CPNE5: variants seen among roughly 807,000 people sequenced by gnomAD.
CPNE5 encodes the protein copine-5.
In CPNE5, 42 loss-of-function variants were observed where a neutral mutation model predicts 81.1. The ratio of observed to expected loss-of-function variants is 0.52; its 90% CI spans 0.40 to 0.67. CPNE5 has a LOEUF of 0.67. Among genes scored for constraint, CPNE5 ranks in the 30% least tolerant of loss-of-function variants. CPNE5 has a pLI of 0.00. For missense variants in CPNE5, 612 were observed against 815.5 expected (o/e 0.75, Z 3.04); for synonymous variants, 313 against 321.5 (o/e 0.97, Z 0.28).
intron 8 of CPNE5, among the ~76,000 whole-genome samples, chr6:36,780,588 G>A (rs147295128): frequency 2.0e-5 from 3 of 152,282 alleles, no homozygotes; most frequent in East Asian, 3.9e-4. Context: ...GGAGTACAGC[G>A]CTGTGTGCGT....
chr6:36,766,810 C>T lies in CPNE5; in HGVS notation c.738-1434G>A, dbSNP rs1287298259. 6.6e-6 allele frequency among the ~76,000 whole-genome samples: 1 copy of T among 152,066 alleles called. No individual in the cohort carries two copies. Among genetic ancestry groups the T allele is most frequent in the Non-Finnish European group, 1.5e-5 (1 of 67,990 alleles). On this transcript the variant is annotated intron_variant, in intron 10 of 20. Transcript: ENST00000244751. The surrounding 1 kb of genome is among the most constrained non-coding windows in gnomAD (Gnocchi z 4.2). The stretch of plus-strand genomic sequence containing the variant: ...TGGGAGGGTCTCTACAAAAATGCCT[C>T]CTTCTCTCCACTTCATCATTTGGCC...
At chr6:36,795,064 C>T (rs1769444257) in intron 6 of CPNE5, among the ~76,000 whole-genome samples, 1 of 152,184 alleles carries the variant, frequency 6.6e-6, no homozygotes, top group African/African-American at 2.4e-5. Flanking sequence ...GGAAGAATCA[C>T]ATGAGATCAT....
intron 14 of CPNE5, 82 bp from the exon 15 acceptor site, chr6:36,748,349 C>T (rs1764420894): frequency 8.0e-7 from 1 of 1,250,290 alleles, no homozygotes; most frequent in Non-Finnish European, 1.2e-6. Context: ...CATTGGCTAC[C>T]ACCCTGGCTC....
At chr6:36,767,918 C>G (rs1224901451) in intron 10 of CPNE5, among the ~76,000 whole-genome samples, 1 of 152,226 alleles carries the variant, frequency 6.6e-6, no homozygotes, top group African/African-American at 2.4e-5. Context: ...ATACTGACAC[C>G]AATGTCTTAC....
At chr6:36,782,620 A>C (rs553166746) in intron 8 of CPNE5, among the ~76,000 whole-genome samples, 2 of 152,130 alleles carry the variant, frequency 1.3e-5, no homozygotes, top group African/African-American at 4.8e-5. Context: ...CCTGACCAAC[A>C]TGCCAAAACC....
intron 8 of CPNE5, among the ~76,000 whole-genome samples, chr6:36,783,667 TG>T (rs773108253): frequency 6.6e-6 from 1 of 152,110 alleles, no homozygotes; most frequent in East Asian, 1.9e-4. Context: ...CCATGCCCCA[TG>T]CCCAGCTAGA....
At position 36,744,320 on chromosome 6, in the gene CPNE5, G is replaced by C. The variant is rs567654039; in HGVS notation, c.1437C>G (p.Ala479=). ...AQTKEAIVNA[A]KLPMSIIIVG... Reference sequence around the variant, plus strand: ...CGATAATGATGGACATGGGGAGCTTGGCAGCCTGGGAGACAGCATGGGGGG... The same window carrying C: ...CGATAATGATGGACATGGGGAGCTTCGCAGCCTGGGAGACAGCATGGGGGG... Residue 479 remains alanine (A), a synonymous_variant, in exon 19 of 21, where the codon GCC becomes GCG. Transcript: ENST00000244751. 3.7e-5 allele frequency: 58 copies of C among 1,581,820 alleles called. No homozygotes were observed. In the Admixed American group the frequency reaches 8.6e-4, roughly 24 times the overall value.
intron 1 of CPNE5, among the ~76,000 whole-genome samples, chr6:36,834,622 C>CTCTA (rs1340658939): frequency 6.6e-6 from 1 of 151,000 alleles, no homozygotes; most frequent in Non-Finnish European, 1.5e-5. Context: ...GGCCACTGTA[C>CTCTA]TCTACCCTGG....
chr6:36,788,965 G>C (rs145297428), intron 8 of CPNE5, among the ~76,000 whole-genome samples: 26 of 152,274 alleles, frequency 1.7e-4, no homozygotes, highest in African/African-American at 5.5e-4. Flanking sequence ...GTATTCATTT[G>C]AGCAGGAAGC....
chr6:36,815,190 G>A (rs1392530963), intron 3 of CPNE5, among the ~76,000 whole-genome samples: 8 of 150,694 alleles, frequency 5.3e-5, no homozygotes, highest in Non-Finnish European at 1.5e-5. Flanking sequence ...AAAAAGAACA[G>A]AACAGTGTCT....
chr6:36,837,003 G>A (rs1459101357), intron 1 of CPNE5, among the ~76,000 whole-genome samples: 1 of 152,190 alleles, frequency 6.6e-6, no homozygotes, highest in Non-Finnish European at 1.5e-5. Flanking sequence ...TATTGACCCA[G>A]GGTCAGCCCC....
chr6:36,831,637 T>TAAAAAAAAAAAAA (rs1772998524), intron 1 of CPNE5, among the ~76,000 whole-genome samples: 1 of 15,214 alleles, frequency 6.6e-5, no homozygotes, highest in African/African-American at 3.2e-4. Context: ...AGACACCATC[T>TAAAAAAAAAAAAA]CAAAAAAAAA....
At chr6:36,826,155 T>C (rs1430731107) in intron 1 of CPNE5, among the ~76,000 whole-genome samples, 1 of 152,142 alleles carries the variant, frequency 6.6e-6, no homozygotes, top group Non-Finnish European at 1.5e-5. Context: ...TTTGCGTGTG[T>C]GCATGCGCAT....
At chr6:36,776,897 C>T (rs1337500538) in intron 9 of CPNE5, among the ~76,000 whole-genome samples, 1 of 152,188 alleles carries the variant, frequency 6.6e-6, no homozygotes, top group African/African-American at 2.4e-5. Context: ...TCCCGGCAAA[C>T]CCTCAGTGAC....
At chr6:36,823,152 C>A in intron 1 of CPNE5, 54 bp from the exon 2 acceptor site, 1 of 1,440,886 alleles carries the variant, frequency 6.9e-7, no homozygotes, top group Non-Finnish European at 9.3e-7. Flanking sequence ...AGGAGGCGAC[C>A]TCAGGGGATT....
chr6:36,786,641 T>A (rs903140631), intron 8 of CPNE5, among the ~76,000 whole-genome samples: 1 of 152,216 alleles, frequency 6.6e-6, no homozygotes, highest in African/African-American at 2.4e-5. Context: ...TATTGTTTCC[T>A]AAAAAGAACA....
chr6:36,760,499 G>A, intron 12 of CPNE5, among the ~76,000 whole-genome samples: 1 of 152,156 alleles, frequency 6.6e-6, no homozygotes, highest in East Asian at 1.9e-4. Flanking sequence ...AAAGGAGGCT[G>A]TGGCAAAGCC....
intron 3 of CPNE5, among the ~76,000 whole-genome samples, chr6:36,810,392 A>G (rs536915529): frequency 3.3e-4 from 50 of 152,328 alleles, no homozygotes; most frequent in African/African-American, 1.1e-3. Flanking sequence ...TGGGGATTCT[A>G]AAAGCCTCGC....
At chr6:36,764,561 G>A (rs1315966239) in intron 11 of CPNE5, among the ~76,000 whole-genome samples, 3 of 152,164 alleles carry the variant, frequency 2.0e-5, no homozygotes, top group African/African-American at 7.2e-5. Flanking sequence ...AAGTCAGGGT[G>A]ACATATTTGG....
Sources: allele counts gnomAD v4.1 joint callset (sites outside exome capture counted in the v4.1 genomes callset), GRCh38; gene constraint gnomAD v4.1.1; non-coding constraint Gnocchi (gnomAD v3.1); transcripts MANE v1.5; gene names NCBI Gene and HGNC (gene_info 2026-07-23, HGNC 2026-07-21).